The following GRIN2A variants were observed in gnomAD, a reference collection of about 807,000 sequenced individuals.
GRIN2A encodes glutamate ionotropic receptor NMDA type subunit 2A, also known as glutamate receptor ionotropic, NMDA 2A.
In GRIN2A, 22 loss-of-function variants were observed where a neutral mutation model predicts 113.4. The ratio of observed to expected loss-of-function variants is 0.19; its 90% CI spans 0.14 to 0.28. The LOEUF (loss-of-function observed/expected upper bound fraction) is 0.28, where lower values mean the gene tolerates loss of function less well. Ranked by LOEUF, GRIN2A falls within the 10% of genes least tolerant of loss-of-function variation. The probability of loss-of-function intolerance (pLI) is 1.00; values close to 1 mark genes in which losing one functional copy is unlikely to be tolerated. For synonymous variants in GRIN2A, 827 were observed against 738.4 expected (o/e 1.12, Z -1.94); for missense variants, 1,502 against 1,887.0 (o/e 0.80, Z 3.78).
chr16:9,765,451 C>CA (rs1567279696), intron 12 of GRIN2A, among the ~76,000 whole-genome samples: 1 of 152,200 alleles, frequency 6.6e-6, no homozygotes, highest in African/African-American at 2.4e-5. Context: ...AGCTAACAAT[C>CA]AAAGAATGTG....
chr16:9,876,285 G>T (rs1044746282), intron 4 of GRIN2A, among the ~76,000 whole-genome samples: 1 of 152,044 alleles, frequency 6.6e-6, no homozygotes, highest in Non-Finnish European at 1.5e-5. Flanking sequence ...ATTATCTCAG[G>T]TAGCAGAGCA....
chr16:9,761,338 T>G lies in GRIN2A; in HGVS notation c.*1811A>C, dbSNP rs575101404. ...ATGGGATAATTTTTCAACCTGCCACTTTATCCCTTTCTTCAAGAATGTAAA... is the reference window on the plus strand; with the variant it reads ...ATGGGATAATTTTTCAACCTGCCACGTTATCCCTTTCTTCAAGAATGTAAA... On this transcript the variant is annotated 3_prime_UTR_variant, in exon 13 of 13. Coordinates refer to ENST00000330684, the MANE Select transcript of GRIN2A (RefSeq NM_001134407.3). 4.4e-6 allele frequency: 1 copy of G among 229,340 alleles called. No individual in the cohort carries two copies. 14.2% of individuals were successfully genotyped at this position (229,340 alleles called of 1,614,324 possible). A position where few individuals can be genotyped will look rare whatever the true frequency, so the allele number is the denominator to read the frequency against.
chr16:10,069,201 C>T (rs2047705993), intron 2 of GRIN2A, among the ~76,000 whole-genome samples: 1 of 152,294 alleles, frequency 6.6e-6, no homozygotes, highest in African/African-American at 2.4e-5. Context: ...GAGGCTGCTT[C>T]ATCTACAGCT....
intron 7 of GRIN2A, among the ~76,000 whole-genome samples, chr16:9,835,860 G>T (rs1219567397): frequency 6.6e-6 from 1 of 152,098 alleles, no homozygotes; most frequent in African/African-American, 2.4e-5. Context: ...AGCTATATTG[G>T]ATAATTTAAA....
At chr16:9,842,149 G>A (rs912590907) in intron 5 of GRIN2A, among the ~76,000 whole-genome samples, 2 of 152,246 alleles carry the variant, frequency 1.3e-5, no homozygotes, top group Admixed American at 6.5e-5. Flanking sequence ...TACTCAGGAG[G>A]CTGAGGCATA....
intron 2 of GRIN2A, among the ~76,000 whole-genome samples, chr16:9,970,580 G>A (rs1362016963): frequency 6.6e-6 from 1 of 152,082 alleles, no homozygotes; most frequent in African/African-American, 2.4e-5. Context: ...AAGTAAATTA[G>A]AGGGGAAATA....
Position 10,006,700 on chromosome 16 carries a change from G to A in GRIN2A, c.415-68149C>T, listed in dbSNP as rs1434990149. Among the ~76,000 whole-genome samples, 4 of 151,944 alleles carry A rather than the reference G, an allele frequency of 2.6e-5. 1 individual carries two copies. The stretch of plus-strand genomic sequence containing the variant: ...TTGCTGACTACAGTCACCCTGTTAT[G>A]CTATCAAACACTAGATCTTACGCAT... On this transcript the variant is annotated intron_variant, in intron 2 of 12. Transcript: ENST00000330684.
chr16:9,783,515 C>T (rs968054045), intron 11 of GRIN2A, among the ~76,000 whole-genome samples: 15 of 152,210 alleles, frequency 9.9e-5, no homozygotes, highest in East Asian at 3.9e-4. Context: ...TATCTGACTA[C>T]GTCTTCCATT....
intron 6 of GRIN2A, 41 bp from the exon 7 acceptor site, chr16:9,840,841 AG>A: frequency 2.6e-6 from 4 of 1,525,678 alleles, no homozygotes; most frequent in Non-Finnish European, 3.6e-6. Context: ...AAAGAGAGAG[AG>A]AGAACAACAG....
chr16:9,784,531 C>T (rs1160730040), intron 11 of GRIN2A, among the ~76,000 whole-genome samples: 2 of 151,170 alleles, frequency 1.3e-5, no homozygotes, highest in Non-Finnish European at 2.9e-5. Flanking sequence ...TAGGCATGGG[C>T]AAGGACTTCA....
At chr16:10,118,105 T>A (rs988908103) in intron 2 of GRIN2A, among the ~76,000 whole-genome samples, 12 of 152,056 alleles carry the variant, frequency 7.9e-5, no homozygotes, top group Non-Finnish European at 1.3e-4. Context: ...TTGTGGCTGG[T>A]GTTATCTTTG....
Position 9,764,128 on chromosome 16 carries a change from A to C in GRIN2A, c.3416T>G (p.Val1139Gly), listed in dbSNP as rs1265897228. Residue 1139 changes from valine (V) to glycine (G), a missense_variant, in exon 13 of 13, where the codon GTG (valine) becomes GGG (glycine). Physicochemically the swap from Val to Gly is moderately radical, Grantham distance 109 (BLOSUM62 -3). This residue lies in a region of GRIN2A where 832 missense variants were observed against 789.7 expected (regional missense o/e 1.05). Coordinates refer to ENST00000330684, the MANE Select transcript of GRIN2A (RefSeq NM_001134407.3). The part of the protein sequence containing the change: ...HLDPPQFVEN[V>G]TLPENVDFPD... ...GAAGTCCACGTTCTCGGGCAGGGTC[A>C]CATTTTCAACAAACTGGGGTGGATC... The C allele has an allele frequency of 6.2e-7, 1 of 1,613,618 alleles. No individual in the cohort carries two copies. Among genetic ancestry groups the C allele is most frequent in the African/African-American group, 1.3e-5 (1 of 74,896 alleles).
intron 4 of GRIN2A, among the ~76,000 whole-genome samples, chr16:9,863,004 C>T (rs13337673): frequency 0.028 from 4,233 of 152,160 alleles, 198 homozygotes; most frequent in African/African-American, 0.097. Context: ...CTGATAAAAA[C>T]GCCATTATTA....
chr16:10,030,875 T>C (rs1238615651), intron 2 of GRIN2A, among the ~76,000 whole-genome samples: 1 of 152,166 alleles, frequency 6.6e-6, no homozygotes, highest in Non-Finnish European at 1.5e-5. Context: ...GCCCACATTC[T>C]AGTGGAAAAA....
At chr16:9,782,313 G>A (rs888263493) in intron 11 of GRIN2A, among the ~76,000 whole-genome samples, 2 of 152,152 alleles carry the variant, frequency 1.3e-5, no homozygotes, top group African/African-American at 2.4e-5. Context: ...TATAAGATGT[G>A]CATAGATTAT....
At chr16:9,881,939 C>A (rs1365790849) in intron 4 of GRIN2A, among the ~76,000 whole-genome samples, 1 of 152,156 alleles carries the variant, frequency 6.6e-6, no homozygotes, top group East Asian at 1.9e-4. Flanking sequence ...TTCTTTTACA[C>A]AATCTTCACT....
intron 2 of GRIN2A, among the ~76,000 whole-genome samples, chr16:9,983,402 C>T (rs903658396): frequency 6.6e-6 from 1 of 151,644 alleles, no homozygotes; most frequent in East Asian, 1.9e-4. Flanking sequence ...CCTCCAAGCT[C>T]ATCCATGTTG....
chr16:9,920,580 T>C (rs2044339872), intron 3 of GRIN2A, among the ~76,000 whole-genome samples: 1 of 151,876 alleles, frequency 6.6e-6, no homozygotes, highest in Non-Finnish European at 1.5e-5. Flanking sequence ...TTTTTTTTTT[T>C]TCAGATGGAG....
intron 2 of GRIN2A, among the ~76,000 whole-genome samples, chr16:10,140,557 A>G (rs572281011): frequency 2.0e-5 from 3 of 152,196 alleles, no homozygotes; most frequent in Admixed American, 6.5e-5. Flanking sequence ...TCCAGAAAAC[A>G]CTCTTTCTTC....
Sources: gnomAD v4.1 joint callset for allele counts (sites outside exome capture counted in the v4.1 genomes callset) on GRCh38, gnomAD v4.1.1 for gene constraint, gnomAD v4.1.1 regional missense constraint, MANE v1.5 for transcripts, NCBI Gene and HGNC (gene_info 2026-07-23, HGNC 2026-07-21) for gene names.